Variants in UNC119 observed in about 807,000 individuals in gnomAD.
UNC119 encodes unc-119 lipid binding chaperone, also known as protein unc-119 homolog A.
In UNC119, 15 loss-of-function variants were observed where a neutral mutation model predicts 22.6. That is an observed-to-expected ratio of 0.66 (90% CI 0.44 to 1.02). UNC119 has a LOEUF of 1.02. Ranked by LOEUF, UNC119 falls within the 50% of genes least tolerant of loss-of-function variation. The pLI is 0.00. For synonymous variants in UNC119, 138 were observed against 139.4 expected, an observed-to-expected ratio of 0.99 and a Z score of 0.07; for missense variants, 322 against 336.0, an observed-to-expected ratio of 0.96 and a Z score of 0.33.
At chr17:28,551,035 G>C (rs2070263458) in intron 1 of UNC119, 1 of 152,232 alleles carries the variant, frequency 6.6e-6, no homozygotes, top group Non-Finnish European at 1.5e-5. Flanking sequence ...AGTACTCTGG[G>C]GGCCCAGCTA....
rs541479092 is a variant in UNC119 at position 28,546,912 on chromosome 17, A to G, written c.*385T>C. 6.9e-4 allele frequency: 224 copies of G among 323,108 alleles called. 1 individual carries two copies. The highest frequency in any genetic ancestry group is 5.6e-3 in the South Asian group (218 of 38,956). The allele number at this position is 323,108 out of a possible 1,614,324, so 20.0% of individuals were successfully genotyped here. On this transcript the variant is annotated 3_prime_UTR_variant, in exon 5 of 5. Coordinates refer to ENST00000335765, the MANE Select transcript of UNC119 (RefSeq NM_005148.4). ...TGGATCTTTGTAAATTTACAACTCTAAATGGCCTGAAGGTAGTGGGCAGGG... is the reference window on the plus strand; with the variant it reads ...TGGATCTTTGTAAATTTACAACTCTGAATGGCCTGAAGGTAGTGGGCAGGG...
chr17:28,548,119 T>A lies in UNC119; in HGVS notation c.335-18A>T. The A allele has an allele frequency of 1.3e-6, 2 of 1,599,938 alleles. No homozygotes were observed. Among genetic ancestry groups the A allele is most frequent in the African/African-American group, 1.3e-5 (1 of 74,620 alleles). On this transcript the variant is annotated intron_variant, in intron 2 of 4. Coordinates refer to ENST00000335765, the MANE Select transcript of UNC119 (RefSeq NM_005148.4). ...CAACCGTTCTGCAATGTACCCCAGC[T>A]GGGGCTCAGTGGGCTTCAGGCTGGG...
intron 3 of UNC119, 60 bp from the exon 4 acceptor site, chr17:28,547,909 T>G: frequency 3.7e-6 from 6 of 1,612,874 alleles, no homozygotes; most frequent in Middle Eastern, 3.3e-4. Flanking sequence ...CCAGCCAGGC[T>G]CAGGACAGGC....
intron 1 of UNC119, 24 bp downstream of exon 1, chr17:28,552,314 C>G: frequency 6.5e-7 from 1 of 1,528,908 alleles, no homozygotes; most frequent in Non-Finnish European, 8.8e-7. Flanking sequence ...CACCCGCGGG[C>G]GGCGCTCCCT....
Position 28,552,535 on chromosome 17 carries a change from C to T in UNC119, c.23G>A (p.Gly8Asp). 6.5e-7 allele frequency: 1 copy of T among 1,541,844 alleles called. No homozygotes were observed. The highest frequency in any genetic ancestry group is 8.7e-7 in the Non-Finnish European group (1 of 1,154,418). MKVKKGG[G>D]GAGTATESAP... ...GGACTCCGTCGCCGTCCCGGCCCCACCGCCGCCCTTCTTCACCTTCATGGC... is the reference window on the plus strand; with the variant it reads ...GGACTCCGTCGCCGTCCCGGCCCCATCGCCGCCCTTCTTCACCTTCATGGC... The change falls in exon 1 of 5, where the codon GGT (glycine) becomes GAT (aspartate). Residue 8 changes from glycine (G) to aspartate (D), a missense_variant. Gly to Asp is a moderately conservative substitution (Grantham distance 94). Transcript: ENST00000335765.
Position 28,547,365 on chromosome 17 carries a change from A to G in UNC119, c.655T>C (p.Phe219Leu). 1 of 1,614,184 alleles carries G rather than the reference A, an allele frequency of 6.2e-7. No individual in the cohort carries two copies. The highest frequency in any genetic ancestry group is 8.5e-7 in the Non-Finnish European group (1 of 1,180,016). The change falls in exon 5 of 5, where the codon TTC becomes CTC. Residue 219 changes from phenylalanine (F) to leucine (L), a missense_variant. Physicochemically the swap from Phe to Leu is conservative, Grantham distance 22 (BLOSUM62 0). Coordinates refer to ENST00000335765, the MANE Select transcript of UNC119 (RefSeq NM_005148.4). ...ACCAGCCGGTCATCCACGAAGTAGA[A>G]GCTGTCAGACTGGGTCTCATACGGG... ...RHPYETQSDS[F>L]YFVDDRLVMH... is the part of the protein sequence containing the mutation.
rs778500362 is a variant in UNC119 at position 28,547,279 on chromosome 17, G to A, written c.*18C>T. 11 of 1,613,890 alleles carry A rather than the reference G, an allele frequency of 6.8e-6. No homozygotes were observed. The East Asian group carries it at 2.0e-4, about 29-fold the overall frequency. ...CAGCCCAGAACTGGAGCCTCCTGGG[G>A]TCAGGGCAGCCGTGGGGTCAGGGTG... On this transcript the variant is annotated 3_prime_UTR_variant, in exon 5 of 5. Transcript: ENST00000335765.
Position 28,547,037 on chromosome 17 carries a change from GTCCTGACTGC to G in UNC119, c.*250_*259del, listed in dbSNP as rs2070212069. On this transcript the variant is annotated 3_prime_UTR_variant, in exon 5 of 5. Transcript: ENST00000335765. ...TAGGGCCCAGCTAAGTTGTCCGGAA[GTCCTGACTGC>G]TCCTCTCACAGGCCTTCCTAGACGT... 4.3e-6 allele frequency: 2 copies of G among 468,950 alleles called. No homozygotes were observed. Among genetic ancestry groups the G allele is most frequent in the South Asian group, 4.0e-5 (2 of 49,402 alleles). 29.0% of individuals were successfully genotyped at this position (468,950 alleles called of 1,614,324 possible).
intron 1 of UNC119, chr17:28,548,994 C>CA: frequency 9.3e-6 from 3 of 322,374 alleles, no homozygotes; most frequent in Non-Finnish European, 1.8e-5. Flanking sequence ...TGAACACTCT[C>CA]TCTCCCACTC....
intron 4 of UNC119, 75 bp from the exon 5 acceptor site, chr17:28,547,484 G>T: frequency 6.3e-7 from 1 of 1,599,290 alleles, no homozygotes; most frequent in South Asian, 1.1e-5. Flanking sequence ...TTCAGGACTG[G>T]GGTACAGGGA....
rs1333185868 is a variant in UNC119 at position 28,547,818 on chromosome 17, T to A, written c.469A>T (p.Asn157Tyr). The part of the protein sequence containing the change: ...VEFTVGDKPV[N>Y]NFRMIERHYF... Reference sequence around the variant, plus strand: ...TGCCTCTCGATCATGCGGAAGTTGTTGACAGGCTTGTCTCCCACTGTGAAC... The same window carrying A: ...TGCCTCTCGATCATGCGGAAGTTGTAGACAGGCTTGTCTCCCACTGTGAAC... The change falls in exon 4 of 5, where the codon AAC (asparagine) becomes TAC (tyrosine). Residue 157 changes from asparagine (N) to tyrosine (Y), a missense_variant. By Grantham distance (143) the Asn-to-Tyr change is moderately radical. Transcript: ENST00000335765. 6.2e-7 allele frequency: 1 copy of A among 1,614,154 alleles called. No homozygotes were observed. The highest frequency in any genetic ancestry group is 1.1e-5 in the South Asian group (1 of 91,082).
In UNC119 at chr17:28,552,561, C is replaced by T. The variant is rs1020463899; in HGVS notation, c.-4G>A. ...CGCCGCCCTTCTTCACCTTCATGGCCTTGCGGGGCCGAGGCTCGCCTGCTG... is the reference window on the plus strand; with the variant it reads ...CGCCGCCCTTCTTCACCTTCATGGCTTTGCGGGGCCGAGGCTCGCCTGCTG... On this transcript the variant is annotated 5_prime_UTR_variant, in exon 1 of 5. Transcript: ENST00000335765. 2 of 1,514,332 alleles carry T rather than the reference C, an allele frequency of 1.3e-6. No individual in the cohort carries two copies. Among genetic ancestry groups the T allele is most frequent in the Non-Finnish European group, 8.8e-7 (1 of 1,140,688 alleles). 93.8% of individuals were successfully genotyped at this position (1,514,332 alleles called of 1,614,324 possible).
In UNC119 at chr17:28,552,179, C is replaced by G. The variant is rs531048843; in HGVS notation, c.220+159G>C. 747 of 711,174 alleles carry G rather than the reference C, an allele frequency of 1.1e-3. 10 individuals are homozygous for G. The South Asian group carries it at 0.012, about 11-fold the overall frequency. The allele number at this position is 711,174 out of a possible 1,614,324, so 44.1% of individuals were successfully genotyped here. A position where few individuals can be genotyped will look rare whatever the true frequency, so the allele number is the denominator to read the frequency against. On this transcript the variant is annotated intron_variant, in intron 1 of 4. Transcript: ENST00000335765. ...GAAGGGGGTACACAGAGATCTCAGA[C>G]CTGGCGGCAGAAGGGAGAGCAGGGG...
chr17:28,547,208 A>G lies in UNC119; in HGVS notation c.*89T>C, dbSNP rs2151507036. The G allele has an allele frequency of 6.7e-7, 1 of 1,488,260 alleles. No individual in the cohort carries two copies. The highest frequency in any genetic ancestry group is 9.3e-7 in the Non-Finnish European group (1 of 1,079,586). The allele number at this position is 1,488,260 out of a possible 1,614,324, so 92.2% of individuals were successfully genotyped here. A position where few individuals can be genotyped will look rare whatever the true frequency, so the allele number is the denominator to read the frequency against. On this transcript the variant is annotated 3_prime_UTR_variant, in exon 5 of 5. Transcript: ENST00000335765. ...GGAGCTCCTGGAGAACTCCCCAAGC[A>G]GAGGACTTGGGGTTGAGGGGTGAGC... is the stretch of plus-strand genomic sequence containing the variant.
Position 28,547,021 on chromosome 17 carries a change from G to A in UNC119, c.*276C>T, listed in dbSNP as rs968081593. On this transcript the variant is annotated 3_prime_UTR_variant, in exon 5 of 5. Transcript: ENST00000335765. ...GAAACTTGGGCCCAAGTAGGGCCCA[G>A]CTAAGTTGTCCGGAAGTCCTGACTG... The A allele has an allele frequency of 6.8e-6, 3 of 439,108 alleles. No individual in the cohort carries two copies. Among genetic ancestry groups the A allele is most frequent in the Non-Finnish European group, 1.3e-5 (3 of 234,094 alleles). 27.2% of individuals were successfully genotyped at this position (439,108 alleles called of 1,614,324 possible).
At chr17:28,551,998 C>T (rs1242525932) in intron 1 of UNC119, 2 of 508,664 alleles carry the variant, frequency 3.9e-6, no homozygotes, top group East Asian at 5.0e-5. Flanking sequence ...AGTGCAGGGA[C>T]GGGCCTCAAA....
intron 1 of UNC119, chr17:28,551,148 T>C (rs1035878592): frequency 6.6e-6 from 1 of 151,930 alleles, no homozygotes; most frequent in Non-Finnish European, 1.5e-5. Flanking sequence ...TGTCTGGGAG[T>C]CCGGTGTTCT....
In UNC119 at chr17:28,547,703, T is replaced by C; in HGVS notation, c.584A>G (p.Asp195Gly). The C allele has an allele frequency of 6.2e-7, 1 of 1,613,886 alleles. No homozygotes were observed. The highest frequency in any genetic ancestry group is 1.3e-5 in the African/African-American group (1 of 74,908). ...SSKNTCEHIY[D>G]FPPLSEELIS... ...CAGCTCCTCGGAGAGAGGGGGGAAG[T>C]CGTAAATGTGCTCGCAGGTGTTCTT... The change falls in exon 4 of 5, where the codon GAC becomes GGC. Residue 195 changes from aspartate (D) to glycine (G), a missense_variant. Asp to Gly is a moderately conservative substitution (Grantham distance 94). Coordinates refer to ENST00000335765, the MANE Select transcript of UNC119 (RefSeq NM_005148.4).
intron 1 of UNC119, chr17:28,552,011 G>T: frequency 1.8e-6 from 1 of 545,456 alleles, no homozygotes; most frequent in East Asian, 4.4e-5. Flanking sequence ...GCCTCAAAGC[G>T]CTCTGGAGAC....
Sources: allele counts gnomAD v4.1 joint callset, GRCh38; gene constraint gnomAD v4.1.1; transcripts MANE v1.5; gene names NCBI Gene and HGNC (gene_info 2026-07-23, HGNC 2026-07-21).